NOSIP: variants seen among roughly 807,000 people sequenced by gnomAD.
NOSIP encodes nitric oxide synthase-interacting protein.
A neutral mutation model predicts 36.4 loss-of-function variants in NOSIP; 25 were observed. The ratio of observed to expected loss-of-function variants is 0.69; its 90% confidence interval spans 0.50 to 0.96. The LOEUF (loss-of-function observed/expected upper bound fraction) is 0.96, where lower values mean the gene tolerates loss of function less well. Among genes scored for constraint, NOSIP ranks in the 40% least tolerant of loss-of-function variants. The pLI is 0.00. For synonymous variants in NOSIP, 187 were observed against 179.2 expected (o/e 1.04, Z -0.35); for missense variants, 370 against 429.0 (o/e 0.86, Z 1.21).
chr19:49,561,443 A>C (rs2080333094), intron 1 of NOSIP, among the ~76,000 whole-genome samples: 1 of 152,136 alleles, frequency 6.6e-6, no homozygotes, highest in Non-Finnish European at 1.5e-5. Context: ...CCCATGATGT[A>C]CCCATGTCCT....
intron 6 of NOSIP, 36 bp downstream of exon 6, chr19:49,556,839 T>C: frequency 1.3e-6 from 2 of 1,591,096 alleles, no homozygotes; most frequent in African/African-American, 1.3e-5. Context: ...CCTGGCGCCC[T>C]GGCACCGTGC....
rs547439747 is a variant in NOSIP, at chr19:49,555,543, G to A, written c.*208C>T. Reference sequence around the variant, plus strand: ...GAAAGTGCTGGGATTACAGGCGTGAGCCACCGTGCCTGGCCAGATTTTGTT... The same window carrying A: ...GAAAGTGCTGGGATTACAGGCGTGAACCACCGTGCCTGGCCAGATTTTGTT... On this transcript the variant is annotated 3_prime_UTR_variant, in exon 9 of 9. Coordinates refer to ENST00000596358, the MANE Select transcript of NOSIP (RefSeq NM_001270960.2). 2.2e-4 allele frequency among the ~76,000 whole-genome samples: 33 copies of A among 152,344 alleles called. No homozygotes were observed. The South Asian group carries it at 6.4e-3, about 30-fold the overall frequency.
chr19:49,565,762 GAAAA>G (rs765027612), intron 1 of NOSIP, among the ~76,000 whole-genome samples: 1 of 139,866 alleles, frequency 7.1e-6, no homozygotes, highest in Non-Finnish European at 1.6e-5. Context: ...TGTCTCAAAA[GAAAA>G]AAAAAAGAAA....
In NOSIP at chr19:49,560,213, AG is replaced by A; in HGVS notation, c.71-175del. On this transcript the variant is annotated intron_variant, in intron 2 of 8. Coordinates refer to ENST00000596358, the MANE Select transcript of NOSIP (RefSeq NM_001270960.2). The surrounding 1 kb of genome is among the most constrained non-coding windows in gnomAD (Gnocchi z 4.6). ...TGCTGGGGCCACGGGCTGAACCCAC[AG>A]GGAGTTGTCAACCCTGGAGGGTGAG... 1.7e-6 allele frequency: 1 copy of A among 598,966 alleles called. No homozygotes were observed. Among genetic ancestry groups the A allele is most frequent in the South Asian group, 2.0e-5 (1 of 50,746 alleles). The allele number at this position is 598,966 out of a possible 1,614,324, so 37.1% of individuals were successfully genotyped here. A position where few individuals can be genotyped will look rare whatever the true frequency, so the allele number is the denominator to read the frequency against.
intron 1 of NOSIP, among the ~76,000 whole-genome samples, chr19:49,573,466 T>C (rs977743607): frequency 2.0e-5 from 3 of 152,090 alleles, no homozygotes; most frequent in Admixed American, 1.3e-4. Context: ...TGGTGGGGCC[T>C]GGGTTGAACT....
At chr19:49,563,308 TG>T (rs935402930) in intron 1 of NOSIP, among the ~76,000 whole-genome samples, 1 of 151,918 alleles carries the variant, frequency 6.6e-6, no homozygotes, top group Non-Finnish European at 1.5e-5. Context: ...CTCGAGTAGC[TG>T]GGACTACAGG....
intron 1 of NOSIP, among the ~76,000 whole-genome samples, chr19:49,575,123 A>G (rs1322992133): frequency 5.3e-5 from 8 of 152,066 alleles, no homozygotes; most frequent in Non-Finnish European, 7.4e-5. Context: ...TCGGCCTCCC[A>G]AAGTGCTGGG....
In NOSIP at chr19:49,568,779, T is replaced by TAAAA. The variant is rs1555735527; in HGVS notation, c.-1-8091_-1-8088dup. Among the ~76,000 whole-genome samples the TAAAA allele has an allele frequency of 7.2e-4, 82 of 113,870 alleles. 2 individuals are homozygous for TAAAA. Among genetic ancestry groups the TAAAA allele is most frequent in the African/African-American group, 2.5e-3 (60 of 24,210 alleles). 74.7% of individuals were successfully genotyped at this position (113,870 alleles called of 152,430 possible). ...GGGCAATATAGCTAGACCCCATCTC[T>TAAAA]AAAAAAAAAAAAAAAATAGTTTGTT... On this transcript the variant is annotated intron_variant, in intron 1 of 8. Coordinates refer to ENST00000596358, the MANE Select transcript of NOSIP (RefSeq NM_001270960.2).
At chr19:49,568,779 T>TAAA (rs1555735527) in intron 1 of NOSIP, among the ~76,000 whole-genome samples, 10 of 113,868 alleles carry the variant, frequency 8.8e-5, no homozygotes, top group African/African-American at 3.7e-4. Flanking sequence ...ACCCCATCTC[T>TAAA]AAAAAAAAAA....
chr19:49,557,514 A>G, intron 4 of NOSIP: 1 of 1,289,182 alleles, frequency 7.8e-7, no homozygotes, highest in Middle Eastern at 2.9e-4. Flanking sequence ...TCATCTGTAA[A>G]ACAGCCTAAC....
chr19:49,566,965 A>G (rs974326305), intron 1 of NOSIP, among the ~76,000 whole-genome samples: 8 of 148,666 alleles, frequency 5.4e-5, no homozygotes, highest in African/African-American at 1.7e-4. Context: ...ACAGGCGCGC[A>G]CCACCATGCC....
chr19:49,557,309 T>G, intron 4 of NOSIP, 60 bp from the exon 5 acceptor site: 1 of 1,507,462 alleles, frequency 6.6e-7, no homozygotes, highest in Non-Finnish European at 8.9e-7. Context: ...CTTCCTCCCA[T>G]TTCACAGGTA....
rs200238455 is a variant in NOSIP at position 49,557,225 on chromosome 19, G to C, written c.283C>G (p.Arg95Gly). Residue 95 changes from arginine (R) to glycine (G), a missense_variant, in exon 5 of 9, where the codon CGG (arginine) becomes GGG (glycine). By Grantham distance (125) the Arg-to-Gly change is moderately radical (BLOSUM62 -2). Coordinates refer to ENST00000596358, the MANE Select transcript of NOSIP (RefSeq NM_001270960.2). Reference sequence around the variant, plus strand: ...TGAAGCTCCTTCTGCTCCTCGCGCCGGGTGCCCCGCTGCTTCTCGTAGGCC... The same window carrying C: ...TGAAGCTCCTTCTGCTCCTCGCGCCCGGTGCCCCGCTGCTTCTCGTAGGCC... ...MKAYEKQRGT[R>G]REEQKELQRA... The C allele has an allele frequency of 3.1e-6, 5 of 1,594,686 alleles. No homozygotes were observed. Among genetic ancestry groups the C allele is most frequent in the South Asian group, 1.1e-5 (1 of 88,238 alleles).
intron 3 of NOSIP, 197 bp from the exon 4 acceptor site, chr19:49,559,175 A>C (rs2080297399): frequency 1.7e-6 from 1 of 591,528 alleles, no homozygotes; most frequent in Non-Finnish European, 3.0e-6. Context: ...TAAAATCAGC[A>C]AAGGAAAAAG....
intron 1 of NOSIP, among the ~76,000 whole-genome samples, chr19:49,578,520 G>T (rs1284078419): frequency 6.6e-6 from 1 of 152,100 alleles, no homozygotes; most frequent in Admixed American, 6.6e-5. Flanking sequence ...GTAAAATGAG[G>T]CCGGGCTCAA....
intron 1 of NOSIP, among the ~76,000 whole-genome samples, chr19:49,564,530 TAGAC>T (rs140256795): frequency 9.3e-4 from 140 of 151,134 alleles, no homozygotes; most frequent in African/African-American, 2.0e-3. Flanking sequence ...GGGTTGCAAT[TAGAC>T]AGAGGGGTGC....
At position 49,556,311 on chromosome 19, in the gene NOSIP, T is replaced by C. The variant is rs745726047; in HGVS notation, c.834+6A>G. On this transcript the variant is annotated splice_donor_region_variant and intron_variant, in intron 8 of 8. Coordinates refer to ENST00000596358, the MANE Select transcript of NOSIP (RefSeq NM_001270960.2). Reference sequence around the variant, plus strand: ...GCTGGGGGAAGGGGAGGGGTGGGACTCTTACCCGCTGCAGCACGATGATGT... The same window carrying C: ...GCTGGGGGAAGGGGAGGGGTGGGACCCTTACCCGCTGCAGCACGATGATGT... 3 of 1,602,462 alleles carry C rather than the reference T, an allele frequency of 1.9e-6. No homozygotes were observed. The Admixed American group carries it at 5.1e-5, about 27-fold the overall frequency.
Position 49,556,373 on chromosome 19 carries a change from C to T in NOSIP, c.778G>A (p.Val260Met). ...AGTTTGTCTCCAGTCACAGGGTCCA[C>T]CATGTCCTTCCGAATCAGCTTCTCC... ...CVEKLIRKDM[V>M]DPVTGDKLTD... Residue 260 changes from valine to methionine, a missense_variant, in exon 8 of 9, where the codon GTG (valine) becomes ATG (methionine). Around this residue, in one of 3 missense-constraint regions of NOSIP, gnomAD observed 315 missense variants for 331.9 expected, o/e 0.95. Coordinates refer to ENST00000596358, the MANE Select transcript of NOSIP (RefSeq NM_001270960.2). The T allele has an allele frequency of 6.2e-7, 1 of 1,613,810 alleles. No homozygotes were observed. The highest frequency in any genetic ancestry group is 8.5e-7 in the Non-Finnish European group (1 of 1,179,904).
At chr19:49,576,068 G>A (rs946806216) in intron 1 of NOSIP, among the ~76,000 whole-genome samples, 3 of 152,066 alleles carry the variant, frequency 2.0e-5, no homozygotes, top group Non-Finnish European at 4.4e-5. Context: ...CCGGGAGGTG[G>A]AGCTTGCAGT....
Sources: allele counts gnomAD v4.1 joint callset (sites outside exome capture counted in the v4.1 genomes callset), GRCh38; gene constraint gnomAD v4.1.1; regional missense constraint gnomAD v4.1.1; non-coding constraint Gnocchi (gnomAD v3.1); transcripts MANE v1.5; gene names NCBI Gene and HGNC (gene_info 2026-07-23, HGNC 2026-07-21).